Variants in PRDM5 observed in about 807,000 individuals in gnomAD.
PRDM5 encodes the protein PR/SET domain 5.
In PRDM5, 56 loss-of-function variants were observed where a neutral mutation model predicts 81.2. The observed-to-expected ratio is 0.69, with a 90% CI of 0.56 to 0.86. The LOEUF (loss-of-function observed/expected upper bound fraction) is 0.86, where lower values mean the gene tolerates loss of function less well. Among genes scored for constraint, PRDM5 ranks in the 40% least tolerant of loss-of-function variants. The pLI is 0.00. For synonymous variants in PRDM5, 267 were observed against 256.4 expected (o/e 1.04, Z -0.39); for missense variants, 697 against 770.1 (o/e 0.91, Z 1.12).
chr4:120,885,798 GAA>G (rs34138951), intron 2 of PRDM5: 49 of 130,620 alleles, frequency 3.8e-4, no homozygotes, highest in African/African-American at 9.8e-4. Flanking sequence ...ATCACCGAAA[GAA>G]AAAAAAAAAA....
intron 2 of PRDM5, among the ~76,000 whole-genome samples, chr4:120,857,557 T>C (rs560778753): frequency 1.3e-5 from 2 of 152,300 alleles, no homozygotes; most frequent in African/African-American, 4.8e-5. Flanking sequence ...CTGAGAGAAA[T>C]AATGTGCTGG....
chr4:120,911,952 T>A (rs374008871), intron 1 of PRDM5, among the ~76,000 whole-genome samples: 1 of 152,164 alleles, frequency 6.6e-6, no homozygotes, highest in Non-Finnish European at 1.5e-5. Context: ...TCCTGCCTTT[T>A]CAATACTAAC....
chr4:120,821,383 G>T, intron 3 of PRDM5, 38 bp from the exon 4 acceptor site: 1 of 1,542,712 alleles, frequency 6.5e-7, no homozygotes, highest in Non-Finnish European at 9.0e-7. Flanking sequence ...CCATTCATTT[G>T]TTTCTGATAG....
chr4:120,816,355 A>G, intron 7 of PRDM5, 98 bp downstream of exon 7: 1 of 1,598,838 alleles, frequency 6.3e-7, no homozygotes, highest in Non-Finnish European at 8.6e-7. Flanking sequence ...ACACAATGGA[A>G]AAGCCAGCTC....
chr4:120,862,368 T>C (rs1760700645), intron 2 of PRDM5, among the ~76,000 whole-genome samples: 1 of 152,226 alleles, frequency 6.6e-6, no homozygotes, highest in Admixed American at 6.5e-5. Context: ...CACAAAGCAA[T>C]GTACTGATCA....
downstream of PRDM5, among the ~76,000 whole-genome samples, chr4:120,687,625 G>T (rs1484238098): frequency 6.6e-6 from 1 of 151,890 alleles, no homozygotes; most frequent in African/African-American, 2.4e-5. Context: ...CAATTCTTTG[G>T]GATAATACTA....
At chr4:120,918,758 G>C (rs1373146374) in intron 1 of PRDM5, among the ~76,000 whole-genome samples, 1 of 151,616 alleles carries the variant, frequency 6.6e-6, no homozygotes, top group Non-Finnish European at 1.5e-5. Context: ...ACTGTGGAAG[G>C]CATAGGAATC....
chr4:120,879,813 A>G (rs1361218700), intron 2 of PRDM5, among the ~76,000 whole-genome samples: 1 of 152,048 alleles, frequency 6.6e-6, no homozygotes, highest in Admixed American at 6.6e-5. Flanking sequence ...ATTCTGGAAA[A>G]GGCAAAACTA....
chr4:120,842,555 G>A (rs1758150762), intron 3 of PRDM5, among the ~76,000 whole-genome samples: 1 of 152,168 alleles, frequency 6.6e-6, no homozygotes, highest in Non-Finnish European at 1.5e-5. Flanking sequence ...ATTCAGCCTA[G>A]TGATAGAGAT....
At chr4:120,835,571 T>C (rs1207491320) in intron 3 of PRDM5, among the ~76,000 whole-genome samples, 1 of 152,086 alleles carries the variant, frequency 6.6e-6, no homozygotes, top group Non-Finnish European at 1.5e-5. Flanking sequence ...GTTTGAAAAA[T>C]GGGGGTTTCC....
intron 14 of PRDM5, among the ~76,000 whole-genome samples, chr4:120,715,264 T>A (rs548216268): frequency 6.6e-6 from 1 of 152,288 alleles, no homozygotes; most frequent in African/African-American, 2.4e-5. Context: ...TTCAGATGTT[T>A]TCTGTTTGCT....
intron 3 of PRDM5, among the ~76,000 whole-genome samples, chr4:120,852,029 T>C (rs748296388): frequency 1.8e-4 from 27 of 152,162 alleles, no homozygotes; most frequent in Non-Finnish European, 3.2e-4. Flanking sequence ...TGCCAGAATT[T>C]AATGTTTCCT....
At chr4:120,899,223 C>T (rs1764979857) in intron 2 of PRDM5, among the ~76,000 whole-genome samples, 1 of 152,118 alleles carries the variant, frequency 6.6e-6, no homozygotes, top group African/African-American at 2.4e-5. Context: ...ATTTCCTGTG[C>T]CCATCCCCAT....
At chr4:120,855,122 G>A (rs1759727232) in intron 2 of PRDM5, among the ~76,000 whole-genome samples, 1 of 152,012 alleles carries the variant, frequency 6.6e-6, no homozygotes, top group Non-Finnish European at 1.5e-5. Flanking sequence ...ATCTGTTACA[G>A]GCACTGCAAA....
chr4:120,763,987 G>A (rs1261929403), intron 13 of PRDM5, among the ~76,000 whole-genome samples: 4 of 150,836 alleles, frequency 2.7e-5, no homozygotes, highest in East Asian at 3.9e-4. Flanking sequence ...GCATAGTGCC[G>A]ATTTGCAGAA....
At chr4:120,821,766 G>A (rs1202421498) in intron 3 of PRDM5, among the ~76,000 whole-genome samples, 1 of 149,998 alleles carries the variant, frequency 6.7e-6, no homozygotes, top group Non-Finnish European at 1.5e-5. Context: ...AGCCTTTCAA[G>A]TTCTAACACA....
At chr4:120,738,156 C>T (rs1424601607) in intron 14 of PRDM5, among the ~76,000 whole-genome samples, 1 of 152,184 alleles carries the variant, frequency 6.6e-6, no homozygotes, top group Non-Finnish European at 1.5e-5. Context: ...CCCAACCAAC[C>T]TCCTAATCTT....
chr4:120,761,346 A>C (rs1451358674), intron 13 of PRDM5, among the ~76,000 whole-genome samples: 2 of 152,204 alleles, frequency 1.3e-5, no homozygotes, highest in Non-Finnish European at 2.9e-5. Flanking sequence ...TTTGACAAAG[A>C]AAATGTGTTA....
intron 7 of PRDM5, among the ~76,000 whole-genome samples, 175 bp from the exon 8 acceptor site, chr4:120,811,624 T>C (rs1753848790): frequency 6.6e-6 from 1 of 152,118 alleles, no homozygotes. Flanking sequence ...ATCTTTTTAA[T>C]TATTTTTAAT....
Sources: allele counts gnomAD v4.1 joint callset (sites outside exome capture counted in the v4.1 genomes callset), GRCh38; gene constraint gnomAD v4.1.1; transcripts MANE v1.5; gene names NCBI Gene and HGNC (gene_info 2026-07-23, HGNC 2026-07-21).